Variants in SLC17A2 observed in about 807,000 individuals in gnomAD.
SLC17A2 encodes sodium-dependent phosphate transport protein 3.
In SLC17A2, 38 loss-of-function variants were observed where a neutral mutation model predicts 52.1. The ratio of observed to expected loss-of-function variants is 0.73; its 90% CI spans 0.56 to 0.96. SLC17A2 has a LOEUF of 0.96. SLC17A2 is among the 40% of genes least tolerant of loss of function. The pLI is 0.00. For synonymous variants in SLC17A2, 226 were observed against 211.9 expected (o/e 1.07, Z -0.58); for missense variants, 508 against 583.9 (o/e 0.87, Z 1.34).
chr6:25,921,436 T>G, intron 3 of SLC17A2, 24 bp from the exon 4 acceptor site: 3 of 1,541,848 alleles, frequency 1.9e-6, no homozygotes, highest in Non-Finnish European at 2.7e-6. Flanking sequence ...AGGAAAACTC[T>G]TTGTCAAGAA....
At chr6:25,928,545 A>G (rs1253391706) in intron 1 of SLC17A2, among the ~76,000 whole-genome samples, 1 of 152,156 alleles carries the variant, frequency 6.6e-6, no homozygotes, top group African/African-American at 2.4e-5. Flanking sequence ...ATGGTTTCAA[A>G]TGCTACTTTG....
intron 3 of SLC17A2, among the ~76,000 whole-genome samples, chr6:25,922,863 G>A (rs887042546): frequency 7.9e-5 from 12 of 152,030 alleles, no homozygotes; most frequent in African/African-American, 2.2e-4. Flanking sequence ...AAAGAATCAC[G>A]CATAACACAA....
At chr6:25,926,391 T>C (rs879529535) in intron 1 of SLC17A2, among the ~76,000 whole-genome samples, 20 of 152,206 alleles carry the variant, frequency 1.3e-4, no homozygotes, top group Non-Finnish European at 2.6e-4. Context: ...TACATAACAC[T>C]AATATGTATT....
intron 3 of SLC17A2, among the ~76,000 whole-genome samples, chr6:25,922,111 CTATAAAGTAGAGAG>C (rs1444286467): frequency 3.3e-5 from 5 of 150,438 alleles, no homozygotes; most frequent in Admixed American, 2.0e-4. Context: ...TGGCATCATG[CTATAAAGTAGAGAG>C]CCAAAGAATA....
intron 1 of SLC17A2, among the ~76,000 whole-genome samples, chr6:25,928,536 T>C (rs1766842107): frequency 6.6e-6 from 1 of 152,202 alleles, no homozygotes; most frequent in African/African-American, 2.4e-5. Flanking sequence ...TTAAGTTTTA[T>C]GGTTTCAAAT....
At chr6:25,930,024 G>T (rs1037406396) in intron 1 of SLC17A2, among the ~76,000 whole-genome samples, 1 of 152,110 alleles carries the variant, frequency 6.6e-6, no homozygotes, top group Admixed American at 6.5e-5. Context: ...CACCATGTTG[G>T]CCAGGCTGGT....
At position 25,916,615 on chromosome 6, in the gene SLC17A2, A is replaced by C. The variant is rs1561875199; in HGVS notation, c.930+70T>G. ...TGGTTATATGTAAAGCCAGAATGTA[A>C]TAGGTAACACAGAACTGTTTCTCCT... On this transcript the variant is annotated intron_variant, in intron 8 of 11. Transcript: ENST00000377850. 6 of 1,282,600 alleles carry C rather than the reference A, an allele frequency of 4.7e-6. No individual in the cohort carries two copies. The African/African-American group carries it at 7.3e-5, about 16-fold the overall frequency. 79.5% of individuals were successfully genotyped at this position (1,282,600 alleles called of 1,614,324 possible).
intron 3 of SLC17A2, among the ~76,000 whole-genome samples, chr6:25,921,616 A>C (rs920040574): frequency 6.6e-6 from 1 of 152,344 alleles, no homozygotes; most frequent in Admixed American, 6.5e-5. Flanking sequence ...GAAGAAATGA[A>C]GAAAAGAGGT....
intron 2 of SLC17A2, among the ~76,000 whole-genome samples, chr6:25,924,242 A>T (rs977932141): frequency 2.0e-5 from 3 of 152,214 alleles, no homozygotes; most frequent in African/African-American, 7.2e-5. Flanking sequence ...AGAGCCAGTC[A>T]CATAACCTTC....
chr6:25,923,650 A>G (rs1251423418), intron 3 of SLC17A2, 45 bp downstream of exon 3: 1 of 1,467,868 alleles, frequency 6.8e-7, no homozygotes, highest in Middle Eastern at 2.0e-4. Context: ...CTTCCTTTCA[A>G]AGTTTTTTCT....
Position 25,928,730 on chromosome 6 carries a change from G to A in SLC17A2, c.-84+1547C>T, listed in dbSNP as rs564655346. 3.3e-5 allele frequency among the ~76,000 whole-genome samples: 5 copies of A among 152,166 alleles called. No homozygotes were observed. In the East Asian group the frequency reaches 9.7e-4, roughly 29 times the overall value. The stretch of plus-strand genomic sequence containing the variant: ...AATAAAATTATGGAGGCTGAACACT[G>A]GCATGGTTGATATGTACTTAGAGAC... On this transcript the variant is annotated intron_variant, in intron 1 of 11. Transcript: ENST00000377850.
chr6:25,921,270 A>C lies in SLC17A2; in HGVS notation c.383T>G (p.Ile128Ser), dbSNP rs1688772662. 4 of 1,614,068 alleles carry C rather than the reference A, an allele frequency of 2.5e-6. No individual in the cohort carries two copies. Among genetic ancestry groups the C allele is most frequent in the African/African-American group, 1.3e-5 (1 of 74,922 alleles). The change falls in exon 4 of 12, where the codon ATC becomes AGC. Residue 128 changes from isoleucine (I) to serine (S), a missense_variant. Coordinates refer to ENST00000377850, the MANE Select transcript of SLC17A2 (RefSeq NM_001286123.3). ...AKKMLGAGLLISSLLTLFTPL... is the reference protein window; with the variant it reads ...AKKMLGAGLLSSSLLTLFTPL... ...TGTAAAGAGGGTGAGAAGGGAAGAG[A>C]TCAGCAAACCAGCACCAAGCATTTT...
intron 1 of SLC17A2, among the ~76,000 whole-genome samples, chr6:25,928,666 G>A (rs1766847090): frequency 6.6e-6 from 1 of 152,138 alleles, no homozygotes; most frequent in Non-Finnish European, 1.5e-5. Context: ...GGTCTTTCAT[G>A]GTAATGGGAA....
chr6:25,913,991 T>C (rs1218504236), intron 11 of SLC17A2, among the ~76,000 whole-genome samples: 1 of 152,210 alleles, frequency 6.6e-6, no homozygotes, highest in Admixed American at 6.5e-5. Context: ...CTTGATCACA[T>C]AGAAATGTAG....
Position 25,916,995 on chromosome 6 carries a change from G to A in SLC17A2, c.742C>T (p.His248Tyr). ...TGTTGAGCCAGTGAGGACAGGATGT[G>A]CTCCTTTTCCCTAACACTTATGCAC... ...HPCISVREKE[H>Y]ILSSLAQQPS... The change falls in exon 7 of 12, where the codon CAC (histidine) becomes TAC (tyrosine). Residue 248 changes from histidine (H) to tyrosine (Y), a missense_variant. Transcript: ENST00000377850. The A allele has an allele frequency of 6.2e-7, 1 of 1,613,908 alleles. No individual in the cohort carries two copies. Among genetic ancestry groups the A allele is most frequent in the Non-Finnish European group, 8.5e-7 (1 of 1,179,794 alleles).
At position 25,916,805 on chromosome 6, in the gene SLC17A2, G is replaced by A; in HGVS notation, c.810C>T (p.Val270=). 1.9e-6 allele frequency: 3 copies of A among 1,614,172 alleles called. No homozygotes were observed. Among genetic ancestry groups the A allele is most frequent in the Non-Finnish European group, 2.5e-6 (3 of 1,180,034 alleles). The change falls in exon 8 of 12, where the codon GTC becomes GTT. Residue 270 remains valine (V), a synonymous_variant. Coordinates refer to ENST00000377850, the MANE Select transcript of SLC17A2 (RefSeq NM_001286123.3). ...PGRAVPIKAM[V]TCLPLWAIFL... Reference sequence around the variant, plus strand: ...AAATGGCCCAAAGTGGTAGGCATGTGACCATCGCCTTTATGGGGACAGCTC... The same window carrying A: ...AAATGGCCCAAAGTGGTAGGCATGTAACCATCGCCTTTATGGGGACAGCTC...
chr6:25,922,747 T>C lies in SLC17A2; in HGVS notation c.240+948A>G, dbSNP rs372482524. On this transcript the variant is annotated intron_variant, in intron 3 of 11. Transcript: ENST00000377850. ...TAATTTTTTTAATTGGGTAAATTCATGGTTTTCATATAAATGTAAAATAAA... is the reference window on the plus strand; with the variant it reads ...TAATTTTTTTAATTGGGTAAATTCACGGTTTTCATATAAATGTAAAATAAA... Among the ~76,000 whole-genome samples the C allele has an allele frequency of 8.6e-4, 131 of 152,358 alleles. 2 individuals carry two copies. The South Asian group carries it at 0.019, about 22-fold the overall frequency.
At chr6:25,914,770 A>G (rs949396489) in intron 10 of SLC17A2, 100 bp from the exon 11 acceptor site, 1 of 700,426 alleles carries the variant, frequency 1.4e-6, no homozygotes, top group Non-Finnish European at 2.5e-6. Flanking sequence ...TGGCAAAGTC[A>G]TTTTGCTTAA....
At chr6:25,922,155 C>G (rs1031163956) in intron 3 of SLC17A2, among the ~76,000 whole-genome samples, 1 of 151,506 alleles carries the variant, frequency 6.6e-6, no homozygotes, top group Non-Finnish European at 1.5e-5. Flanking sequence ...AAATATTTTA[C>G]CCACTCAAAA....
Sources: gnomAD v4.1 joint callset for allele counts (sites outside exome capture counted in the v4.1 genomes callset) on GRCh38, gnomAD v4.1.1 for gene constraint, MANE v1.5 for transcripts, NCBI Gene and HGNC (gene_info 2026-07-23, HGNC 2026-07-21) for gene names.